GLIS1: variants seen among roughly 807,000 people sequenced by gnomAD.
GLIS1 encodes zinc finger protein GLIS1.
GLIS1 carries 24 observed loss-of-function variants against 63.8 expected under a neutral mutation model. The observed-to-expected ratio is 0.38, with a 90% CI of 0.27 to 0.53. The LOEUF is 0.53. Ranked by LOEUF, GLIS1 falls within the 20% of genes least tolerant of loss-of-function variation. GLIS1 has a pLI of 0.85. For synonymous variants in GLIS1, 450 were observed against 482.5 expected (o/e 0.93, Z 0.88); for missense variants, 1,036 against 1,074.1 (o/e 0.96, Z 0.50).
chr1:53,546,804 C>T (rs1183563021), intron 4 of GLIS1, among the ~76,000 whole-genome samples: 1 of 152,248 alleles, frequency 6.6e-6, no homozygotes, highest in Non-Finnish European at 1.5e-5. Flanking sequence ...GCTCATAAGC[C>T]ACCTCTTCCA....
chr1:53,525,298 G>C (rs948659475), intron 5 of GLIS1, among the ~76,000 whole-genome samples: 1 of 151,114 alleles, frequency 6.6e-6, no homozygotes, highest in African/African-American at 2.4e-5. Flanking sequence ...AGGAGGAGAG[G>C]GGAAGGGGGC....
chr1:53,636,075 T>G (rs1478223188), intron 2 of GLIS1, among the ~76,000 whole-genome samples: 6 of 152,266 alleles, frequency 3.9e-5, no homozygotes, highest in South Asian at 2.1e-4. Flanking sequence ...AAAGGGGGAA[T>G]ACTCTCCAGT....
chr1:53,589,412 G>A (rs549206121), intron 4 of GLIS1, among the ~76,000 whole-genome samples: 1 of 152,190 alleles, frequency 6.6e-6, no homozygotes, highest in Non-Finnish European at 1.5e-5. Context: ...CTGGCGGAGG[G>A]GGGTAAAGGT....
intron 2 of GLIS1, among the ~76,000 whole-genome samples, chr1:53,706,631 C>T (rs1391148911): frequency 6.6e-6 from 1 of 152,226 alleles, no homozygotes; most frequent in African/African-American, 2.4e-5. Context: ...TTTCATTTAT[C>T]GGCCTTTAAT....
At chr1:53,693,406 C>G (rs6691833) in intron 2 of GLIS1, among the ~76,000 whole-genome samples, 38,400 of 152,122 alleles carry the variant, frequency 0.25, 5,210 homozygotes, top group African/African-American at 0.36. Context: ...ACCCAGCCCT[C>G]GGGGGCAGGC....
chr1:53,575,053 T>C (rs1236934883), intron 4 of GLIS1, among the ~76,000 whole-genome samples: 2 of 152,152 alleles, frequency 1.3e-5, no homozygotes. Flanking sequence ...CACAGTACTT[T>C]CCAGCAGCCT....
Position 53,737,798 on chromosome 1 carries a change from G to T in GLIS1, c.259+8C>A. ...AGCCGCCAGGCACGTTGGCAGGGCC[G>T]AACTCACCCTTCCCGGCGGCGGCGG... On this transcript the variant is annotated splice_region_variant and intron_variant, in intron 2 of 10. Transcript: ENST00000628545. 1 of 1,231,020 alleles carries T rather than the reference G, an allele frequency of 8.1e-7. No individual in the cohort carries two copies. The highest frequency in any genetic ancestry group is 4.1e-5 in the South Asian group (1 of 24,298). 76.3% of individuals were successfully genotyped at this position (1,231,020 alleles called of 1,614,324 possible).
intron 2 of GLIS1, among the ~76,000 whole-genome samples, chr1:53,700,019 G>A (rs1181829877): frequency 6.6e-6 from 1 of 152,304 alleles, no homozygotes; most frequent in East Asian, 1.9e-4. Context: ...GCCAGAAGAA[G>A]GGCTGGGACT....
At chr1:53,620,391 G>C (rs1055446630) in intron 2 of GLIS1, among the ~76,000 whole-genome samples, 7 of 152,200 alleles carry the variant, frequency 4.6e-5, no homozygotes, top group African/African-American at 1.7e-4. Context: ...GGGGCCACCT[G>C]GGCTCAGGGC....
At chr1:53,665,937 A>T (rs1646086738) in intron 2 of GLIS1, among the ~76,000 whole-genome samples, 1 of 152,216 alleles carries the variant, frequency 6.6e-6, no homozygotes, top group South Asian at 2.1e-4. Flanking sequence ...AGTGGAGTAG[A>T]TTTAAAGGAG....
At position 53,598,720 on chromosome 1, in the gene GLIS1, A is replaced by G. The variant is rs910546420; in HGVS notation, c.437+1381T>C. Among the ~76,000 whole-genome samples, 23 of 152,214 alleles carry G rather than the reference A, an allele frequency of 1.5e-4. No homozygotes were observed. Among genetic ancestry groups the G allele is most frequent in the African/African-American group, 7.2e-5 (3 of 41,460 alleles). ...CACAATTCTGTTGTTTAAACCACCT[A>G]GTCCATGGCATTTGCTATGGCAGCC... On this transcript the variant is annotated intron_variant, in intron 3 of 10. Transcript: ENST00000628545. This position sits in a 1 kb window ranked among gnomAD's most constrained non-coding sequence, Gnocchi z 4.6.
At position 53,526,426 on chromosome 1, in the gene GLIS1, C is replaced by T. The variant is rs1029229089; in HGVS notation, c.1483-1539G>A. 1.3e-5 allele frequency among the ~76,000 whole-genome samples: 2 copies of T among 152,128 alleles called. No individual in the cohort carries two copies. The highest frequency in any genetic ancestry group is 2.4e-5 in the African/African-American group (1 of 41,422). ...AGAGAGACAGCAGTGAGAAGCTTGC[C>T]GGGGTTGGCCTGGGAGGGAGAGCGG... On this transcript the variant is annotated intron_variant, in intron 5 of 10. Coordinates refer to ENST00000628545, the MANE Select transcript of GLIS1 (RefSeq NM_001367484.1). The surrounding 1 kb of genome is among the most constrained non-coding windows in gnomAD (Gnocchi z 4.4).
At position 53,677,766 on chromosome 1, in the gene GLIS1, C is replaced by T. The variant is rs189201055; in HGVS notation, c.259+60040G>A. On this transcript the variant is annotated intron_variant, in intron 2 of 10. Transcript: ENST00000628545. ...GATCTGCCGTGCCTCCTCACCTCTC[C>T]CTGCTTCTCTGTCATCACCTCAAGA... Among the ~76,000 whole-genome samples the T allele has an allele frequency of 8.6e-5, 13 of 150,310 alleles. No homozygotes were observed. In the East Asian group the frequency reaches 1.7e-3, roughly 20 times the overall value.
chr1:53,658,421 G>C (rs1392489106), intron 2 of GLIS1, among the ~76,000 whole-genome samples: 2 of 152,232 alleles, frequency 1.3e-5, no homozygotes, highest in African/African-American at 2.4e-5. Flanking sequence ...AATAACAAAT[G>C]CATGACGCCA....
At chr1:53,685,314 T>G (rs1646323077) in intron 2 of GLIS1, among the ~76,000 whole-genome samples, 2 of 152,028 alleles carry the variant, frequency 1.3e-5, no homozygotes, top group Admixed American at 6.5e-5. Context: ...GGACATACCA[T>G]TCCTTGTGGC....
intron 4 of GLIS1, among the ~76,000 whole-genome samples, chr1:53,578,654 A>G (rs566327305): frequency 1.3e-5 from 2 of 152,354 alleles, no homozygotes; most frequent in Admixed American, 1.3e-4. Context: ...AGCTCCAGGA[A>G]AATATACGAT....
intron 4 of GLIS1, among the ~76,000 whole-genome samples, chr1:53,546,356 C>T (rs1435501266): frequency 6.6e-6 from 1 of 152,252 alleles, no homozygotes; most frequent in Non-Finnish European, 1.5e-5. Context: ...GGAGCGAGTG[C>T]TCCCTCAACA....
At chr1:53,738,664 T>C (rs1646937207) in intron 1 of GLIS1, among the ~76,000 whole-genome samples, 1 of 150,490 alleles carries the variant, frequency 6.6e-6, no homozygotes, top group African/African-American at 2.5e-5. Flanking sequence ...AAAACAGGAG[T>C]CCCAAGCTGG....
intron 2 of GLIS1, among the ~76,000 whole-genome samples, chr1:53,652,803 G>C (rs1311780421): frequency 6.6e-6 from 1 of 152,262 alleles, no homozygotes; most frequent in African/African-American, 2.4e-5. Flanking sequence ...AGGATGACAT[G>C]AGGACCAGCT....
Sources: allele counts gnomAD v4.1 joint callset (sites outside exome capture counted in the v4.1 genomes callset), GRCh38; gene constraint gnomAD v4.1.1; non-coding constraint Gnocchi (gnomAD v3.1); transcripts MANE v1.5; gene names NCBI Gene and HGNC (gene_info 2026-07-23, HGNC 2026-07-21).